Variants in JAKMIP2 observed in about 807,000 individuals in gnomAD.
JAKMIP2 encodes janus kinase and microtubule interacting protein 2.
In JAKMIP2, 25 loss-of-function variants were observed where a neutral mutation model predicts 115.0. The ratio of observed to expected loss-of-function variants is 0.22; its 90% CI spans 0.16 to 0.30. The LOEUF (loss-of-function observed/expected upper bound fraction) is 0.30. Among genes scored for constraint, JAKMIP2 ranks in the 10% least tolerant of loss-of-function variants. JAKMIP2 has a pLI of 1.00. For synonymous variants in JAKMIP2, 334 were observed against 343.6 expected (o/e 0.97, Z 0.31); for missense variants, 642 against 957.6 (o/e 0.67, Z 4.35).
chr5:147,662,241 T>A (rs1404650904), intron 2 of JAKMIP2, among the ~76,000 whole-genome samples: 1 of 151,858 alleles, frequency 6.6e-6, no homozygotes, highest in East Asian at 1.9e-4. Flanking sequence ...CTCTCTCTGA[T>A]GAAGGACTTT....
intron 1 of JAKMIP2, among the ~76,000 whole-genome samples, chr5:147,747,141 A>G (rs1361518423): frequency 1.3e-5 from 2 of 152,054 alleles, no homozygotes; most frequent in Admixed American, 6.6e-5. Context: ...AGCTTTTTTG[A>G]AAAACCAAGA....
rs189263186 is a variant in JAKMIP2 at position 147,631,791 on chromosome 5, A to T, written c.1777-280T>A. ...GAGCTCCAGTTTAAACTGTATGAATATTTAGAGCTTTCAAATATCTCAGCG... is the reference window on the plus strand; with the variant it reads ...GAGCTCCAGTTTAAACTGTATGAATTTTTAGAGCTTTCAAATATCTCAGCG... On this transcript the variant is annotated intron_variant, in intron 13 of 21. Transcript: ENST00000616793. Among the ~76,000 whole-genome samples, 317 of 152,310 alleles carry T rather than the reference A, an allele frequency of 2.1e-3. 2 individuals are homozygous for T. The highest frequency in any genetic ancestry group is 7.1e-3 in the African/African-American group (297 of 41,578).
intron 1 of JAKMIP2, among the ~76,000 whole-genome samples, chr5:147,731,109 A>T (rs952969251): frequency 2.0e-5 from 3 of 152,340 alleles, no homozygotes; most frequent in African/African-American, 7.2e-5. Flanking sequence ...GTCCCCGGCC[A>T]GATTCACAGA....
At chr5:147,779,396 A>G (rs1261012653) in intron 1 of JAKMIP2, among the ~76,000 whole-genome samples, 1 of 152,132 alleles carries the variant, frequency 6.6e-6, no homozygotes, top group Non-Finnish European at 1.5e-5. Flanking sequence ...ATTAATTTGT[A>G]TATACCTTTC....
intron 1 of JAKMIP2, among the ~76,000 whole-genome samples, chr5:147,742,045 A>G (rs1212822613): frequency 6.6e-6 from 1 of 151,178 alleles, no homozygotes. Flanking sequence ...TATTATTTAT[A>G]TACTTTATAT....
intron 1 of JAKMIP2, among the ~76,000 whole-genome samples, chr5:147,745,418 A>G (rs994494017): frequency 6.8e-4 from 103 of 152,144 alleles, no homozygotes; most frequent in Admixed American, 8.5e-4. Flanking sequence ...CAAAATCTTG[A>G]CTTGCTATCT....
At chr5:147,710,451 G>T (rs1429060671) in intron 1 of JAKMIP2, among the ~76,000 whole-genome samples, 1 of 152,104 alleles carries the variant, frequency 6.6e-6, no homozygotes, top group African/African-American at 2.4e-5. Flanking sequence ...AAGATTTAAG[G>T]AGCACAGGCT....
At position 147,588,962 on chromosome 5, in the gene JAKMIP2, G is replaced by A. The variant is rs141497540; in HGVS notation, c.*2745C>T. On this transcript the variant is annotated 3_prime_UTR_variant, in exon 22 of 22. Transcript: ENST00000616793. ...ACGGAATATAGATTTACTCATATGG[G>A]CCCTGCAACAGAAAGTGAAGAAAAA... The A allele has an allele frequency of 1.5e-3, 225 of 152,098 alleles. 1 individual carries two copies. Among genetic ancestry groups the A allele is most frequent in the African/African-American group, 5.3e-3 (220 of 41,510 alleles). The allele number at this position is 152,098 out of a possible 1,614,324, so 9.4% of individuals were successfully genotyped here.
intron 16 of JAKMIP2, among the ~76,000 whole-genome samples, chr5:147,624,050 G>A (rs1277907316): frequency 1.3e-5 from 2 of 151,898 alleles, no homozygotes; most frequent in African/African-American, 4.8e-5. Context: ...GGCCAGGCTG[G>A]TCTTGAACTC....
At chr5:147,620,546 T>C in intron 18 of JAKMIP2, 120 bp downstream of exon 18, 1 of 561,614 alleles carries the variant, frequency 1.8e-6, no homozygotes, top group East Asian at 3.0e-5. Context: ...AACCAGTAAA[T>C]GAATGAACTG....
intron 4 of JAKMIP2, among the ~76,000 whole-genome samples, chr5:147,650,123 G>T (rs149108474): frequency 1.3e-5 from 2 of 152,268 alleles, no homozygotes; most frequent in African/African-American, 2.4e-5. Context: ...AGGATTTAAA[G>T]AAATCTATCT....
intron 10 of JAKMIP2, 85 bp downstream of exon 10, chr5:147,639,547 C>T: frequency 6.9e-7 from 1 of 1,455,294 alleles, no homozygotes; most frequent in Non-Finnish European, 9.2e-7. Context: ...GGAAAGCTGT[C>T]TTATTGATAT....
rs1189865609 is a variant in JAKMIP2, at chr5:147,589,817, CTTAAAT to C, written c.*1884_*1889del. 6.6e-6 allele frequency: 1 copy of C among 152,114 alleles called. No individual in the cohort carries two copies. The highest frequency in any genetic ancestry group is 2.4e-5 in the African/African-American group (1 of 41,398). The allele number at this position is 152,114 out of a possible 1,614,324, so 9.4% of individuals were successfully genotyped here. The stretch of plus-strand genomic sequence containing the variant: ...ATAAGCAAGCTTCAGTGCTATAGTG[CTTAAAT>C]TTAACCAAACTGAAGCACTATTTTA... On this transcript the variant is annotated 3_prime_UTR_variant, in exon 22 of 22. Coordinates refer to ENST00000616793, the MANE Select transcript of JAKMIP2 (RefSeq NM_001270941.2).
intron 1 of JAKMIP2, among the ~76,000 whole-genome samples, chr5:147,695,039 C>A (rs1383086012): frequency 6.6e-6 from 1 of 152,162 alleles, no homozygotes; most frequent in East Asian, 1.9e-4. Flanking sequence ...GATGCAGGAT[C>A]AGAAGGATTT....
chr5:147,772,581 T>C (rs1416892493), intron 1 of JAKMIP2, among the ~76,000 whole-genome samples: 1 of 151,816 alleles, frequency 6.6e-6, no homozygotes, highest in Non-Finnish European at 1.5e-5. Context: ...TATTTTAATA[T>C]CTCCTGAAAT....
At position 147,645,675 on chromosome 5, in the gene JAKMIP2, G is replaced by T. The variant is rs116894332; in HGVS notation, c.937-679C>A. ...CATTTGCTTGGTTAGTCTAAAGCAG[G>T]GTTTCTCAGTCTCGGCGTCTGTGAC... On this transcript the variant is annotated intron_variant, in intron 5 of 21. Coordinates refer to ENST00000616793, the MANE Select transcript of JAKMIP2 (RefSeq NM_001270941.2). 7.2e-4 allele frequency among the ~76,000 whole-genome samples: 109 copies of T among 152,158 alleles called. 1 individual carries two copies. The highest frequency in any genetic ancestry group is 7.1e-3 in the East Asian group (37 of 5,180).
chr5:147,710,430 G>C (rs567285564), intron 1 of JAKMIP2, among the ~76,000 whole-genome samples: 80 of 152,240 alleles, frequency 5.3e-4, no homozygotes, highest in Non-Finnish European at 9.1e-4. Context: ...CAAAATGTCA[G>C]GGAGAAGAAA....
intron 1 of JAKMIP2, among the ~76,000 whole-genome samples, chr5:147,726,611 T>C (rs932252610): frequency 2.0e-5 from 3 of 152,226 alleles, no homozygotes; most frequent in Non-Finnish European, 2.9e-5. Context: ...TCTTCCTGTA[T>C]TGTACTGCCA....
chr5:147,743,950 CCCCTCCCT>C, intron 1 of JAKMIP2, among the ~76,000 whole-genome samples: 2 of 144,890 alleles, frequency 1.4e-5, no homozygotes, highest in South Asian at 4.8e-4. Flanking sequence ...AGCTTTCTTT[CCCCTCCCT>C]CCCTCCCTCC....
Sources: allele counts gnomAD v4.1 joint callset (sites outside exome capture counted in the v4.1 genomes callset), GRCh38; gene constraint gnomAD v4.1.1; transcripts MANE v1.5; gene names NCBI Gene and HGNC (gene_info 2026-07-23, HGNC 2026-07-21).